The following TRMT9B variants were observed in gnomAD, a reference collection of about 807,000 sequenced individuals.
The protein encoded by TRMT9B is probable tRNA methyltransferase 9B.
TRMT9B carries 16 observed loss-of-function variants against 11.5 expected under a neutral mutation model. The ratio of observed to expected loss-of-function variants is 1.39; its 90% CI spans 0.94 to 2.11. TRMT9B has a LOEUF of 2.11. Ranked by LOEUF, TRMT9B falls within the 30% of genes most tolerant of loss-of-function variation. TRMT9B has a pLI of 0.00. For synonymous variants in TRMT9B, 274 were observed against 192.4 expected, an observed-to-expected ratio of 1.42 and a Z score of -3.51; for missense variants, 941 against 553.8, an observed-to-expected ratio of 1.70 and a Z score of -7.02.
At chr8:12,969,706 G>A (rs555171332) in intron 1 of TRMT9B, among the ~76,000 whole-genome samples, 6 of 150,238 alleles carry the variant, frequency 4.0e-5, no homozygotes, top group Non-Finnish European at 7.4e-5. Context: ...TCTCTATACC[G>A]CAGGCTGGAG....
At chr8:12,956,097 C>G (rs1563306943) in intron 1 of TRMT9B, among the ~76,000 whole-genome samples, 1 of 152,190 alleles carries the variant, frequency 6.6e-6, no homozygotes, top group Non-Finnish European at 1.5e-5. Context: ...CGCTACTCAT[C>G]TCCCTGCAAG....
intron 2 of TRMT9B, among the ~76,000 whole-genome samples, chr8:12,997,276 T>A (rs956644712): frequency 2.8e-5 from 4 of 142,218 alleles, no homozygotes; most frequent in Non-Finnish European, 3.2e-5. Context: ...CTTCTTGCTC[T>A]ATCAGTTCAC....
chr8:12,994,190 G>C (rs1196122121), intron 2 of TRMT9B, among the ~76,000 whole-genome samples: 3 of 152,170 alleles, frequency 2.0e-5, no homozygotes, highest in African/African-American at 7.2e-5. Context: ...TCTCTAAAAC[G>C]TCTGCGACTG....
At chr8:12,997,365 C>T (rs1219634850) in intron 2 of TRMT9B, among the ~76,000 whole-genome samples, 2 of 152,142 alleles carry the variant, frequency 1.3e-5, no homozygotes, top group Non-Finnish European at 2.9e-5. Context: ...GACACACGTG[C>T]TCCTCAGTCA....
intron 1 of TRMT9B, chr8:12,969,996 G>A (rs1460061260): frequency 6.6e-6 from 1 of 151,956 alleles, no homozygotes; most frequent in East Asian, 1.9e-4. Context: ...TTGATACACA[G>A]TTGGTCAGAT....
chr8:12,972,031 C>T (rs1250167012), intron 1 of TRMT9B, among the ~76,000 whole-genome samples: 6 of 152,224 alleles, frequency 3.9e-5, no homozygotes, highest in Admixed American at 2.6e-4. Flanking sequence ...TGCACAATAG[C>T]GCAAAAATAC....
At chr8:12,998,248 T>A (rs955574436) in intron 2 of TRMT9B, among the ~76,000 whole-genome samples, 1 of 152,224 alleles carries the variant, frequency 6.6e-6, no homozygotes, top group African/African-American at 2.4e-5. Context: ...ATTTTTCCTC[T>A]TATGGTTAGC....
chr8:12,963,256 C>T (rs1270960699), intron 1 of TRMT9B, among the ~76,000 whole-genome samples: 1 of 152,064 alleles, frequency 6.6e-6, no homozygotes, highest in Non-Finnish European at 1.5e-5. Context: ...TATAGTGAAA[C>T]ACCGTCTCTA....
At chr8:12,989,462 C>G (rs907334952) in intron 1 of TRMT9B, among the ~76,000 whole-genome samples, 1 of 152,144 alleles carries the variant, frequency 6.6e-6, no homozygotes, top group Non-Finnish European at 1.5e-5. Context: ...CTGATTTGGG[C>G]GTATAGACAA....
intron 3 of TRMT9B, among the ~76,000 whole-genome samples, chr8:13,009,957 T>A (rs1811282920): frequency 6.6e-6 from 1 of 152,076 alleles, no homozygotes; most frequent in African/African-American, 2.4e-5. Flanking sequence ...TGAAACCCCA[T>A]CTCTACAAAA....
intron 2 of TRMT9B, among the ~76,000 whole-genome samples, chr8:12,996,903 G>T (rs537178106): frequency 6.6e-6 from 1 of 150,744 alleles, no homozygotes; most frequent in Non-Finnish European, 1.5e-5. Context: ...CACTTCTAAT[G>T]GCCCACATTT....
rs1227503881 is a variant in TRMT9B, at chr8:13,010,914, G to A, written c.155-1770G>A. The A allele has an allele frequency of 6.4e-6, 6 of 930,310 alleles. No individual in the cohort carries two copies. The Admixed American group carries it at 2.5e-4, about 39-fold the overall frequency. The allele number at this position is 930,310 out of a possible 1,614,324, so 57.6% of individuals were successfully genotyped here. A position where few individuals can be genotyped will look rare whatever the true frequency, so the allele number is the denominator to read the frequency against. Reference sequence around the variant, plus strand: ...TCATTATTGGGAACAGTGTGGCTACGAGATCAAAGAAATAATATCATAGAA... The same window carrying A: ...TCATTATTGGGAACAGTGTGGCTACAAGATCAAAGAAATAATATCATAGAA... On this transcript the variant is annotated intron_variant, in intron 3 of 4. Transcript: ENST00000524591.
At chr8:12,953,631 A>G (rs1403698786) in intron 1 of TRMT9B, among the ~76,000 whole-genome samples, 1 of 152,176 alleles carries the variant, frequency 6.6e-6, no homozygotes, top group East Asian at 1.9e-4. Flanking sequence ...TAGCTAACGA[A>G]TGGTTAACTT....
intron 1 of TRMT9B, among the ~76,000 whole-genome samples, chr8:12,970,462 A>G (rs1047580240): frequency 2.6e-5 from 4 of 152,102 alleles, no homozygotes; most frequent in African/African-American, 9.7e-5. Flanking sequence ...ATCCAATTTC[A>G]TGGCTTGGTG....
intron 1 of TRMT9B, among the ~76,000 whole-genome samples, chr8:12,948,130 C>T (rs1354032717): frequency 1.3e-5 from 2 of 152,118 alleles, no homozygotes; most frequent in East Asian, 3.8e-4. Flanking sequence ...TTTAACACAC[C>T]TAACCTACTG....
rs542714479 is a variant in TRMT9B at position 12,952,287 on chromosome 8, C to A, written c.-200+6321C>A. 6.8e-4 allele frequency: 262 copies of A among 386,170 alleles called. 1 individual carries two copies. The highest frequency in any genetic ancestry group is 6.0e-3 in the Middle Eastern group (17 of 2,814). 23.9% of individuals were successfully genotyped at this position (386,170 alleles called of 1,614,324 possible). A position where few individuals can be genotyped will look rare whatever the true frequency, so the allele number is the denominator to read the frequency against. ...TAGATCCGCTGCCTCGGCGCCCGCC[C>A]GCAGGGAGGAGGGGGCGCGACAGGT... On this transcript the variant is annotated intron_variant, in intron 1 of 4. Coordinates refer to ENST00000524591, the MANE Select transcript of TRMT9B (RefSeq NM_020844.3).
At chr8:12,989,613 CA>C (rs1351020597) in intron 1 of TRMT9B, among the ~76,000 whole-genome samples, 2 of 152,158 alleles carry the variant, frequency 1.3e-5, no homozygotes, top group African/African-American at 4.8e-5. Context: ...CATTTAGGCA[CA>C]AATGCCTGAA....
chr8:12,974,522 A>G (rs572500106), intron 1 of TRMT9B, among the ~76,000 whole-genome samples: 124 of 152,212 alleles, frequency 8.1e-4, no homozygotes, highest in Non-Finnish European at 1.3e-3. Context: ...ATGAGCCCCA[A>G]CAGAATAAGT....
intron 2 of TRMT9B, among the ~76,000 whole-genome samples, chr8:12,993,041 C>T (rs750198538): frequency 6.6e-6 from 1 of 152,136 alleles, no homozygotes; most frequent in Non-Finnish European, 1.5e-5. Flanking sequence ...CTGCTGGCTT[C>T]AGCAAAGACC....
Sources: gnomAD v4.1 joint callset for allele counts (sites outside exome capture counted in the v4.1 genomes callset) on GRCh38, gnomAD v4.1.1 for gene constraint, MANE v1.5 for transcripts, NCBI Gene and HGNC (gene_info 2026-07-23, HGNC 2026-07-21) for gene names.